The following FAM193A variants were observed in gnomAD, a reference collection of about 807,000 sequenced individuals.
The protein encoded by FAM193A is protein FAM193A.
A neutral mutation model predicts 126.5 loss-of-function variants in FAM193A; 22 were observed. That is an observed-to-expected ratio of 0.17 (90% CI 0.12 to 0.25). FAM193A has a LOEUF of 0.25. FAM193A is among the 10% of genes least tolerant of loss of function. The probability of loss-of-function intolerance (pLI) is 1.00; values close to 1 mark genes in which losing one functional copy is unlikely to be tolerated. For missense variants in FAM193A, 1,675 were observed against 1,672.8 expected, an observed-to-expected ratio of 1.00 and a Z score of -0.02; for synonymous variants, 761 against 646.8, an observed-to-expected ratio of 1.18 and a Z score of -2.68.
intron 12 of FAM193A, among the ~76,000 whole-genome samples, chr4:2,670,085 T>TG (rs1713613426): frequency 6.6e-6 from 1 of 152,176 alleles, no homozygotes; most frequent in Admixed American, 6.5e-5. Context: ...GCTGGAGTGC[T>TG]GGCTGCTCTC....
At chr4:2,631,746 C>T (rs543858676) in intron 5 of FAM193A, among the ~76,000 whole-genome samples, 1 of 152,278 alleles carries the variant, frequency 6.6e-6, no homozygotes, top group Admixed American at 6.5e-5. Flanking sequence ...ACAAAAGAGA[C>T]ACACAGATGG....
intron 2 of FAM193A, among the ~76,000 whole-genome samples, chr4:2,616,846 G>A (rs945122083): frequency 2.7e-5 from 4 of 150,290 alleles, no homozygotes; most frequent in Non-Finnish European, 5.9e-5. Context: ...GGTTACAGGT[G>A]TGAGCCACCA....
chr4:2,554,685 C>T (rs1738153748), intron 1 of FAM193A, among the ~76,000 whole-genome samples: 1 of 152,008 alleles, frequency 6.6e-6, no homozygotes, highest in Non-Finnish European at 1.5e-5. Context: ...GAAGTCTCTG[C>T]CTAAAATTGT....
chr4:2,645,847 A>G (rs1745084694), intron 6 of FAM193A, among the ~76,000 whole-genome samples: 2 of 152,154 alleles, frequency 1.3e-5, no homozygotes, highest in Admixed American at 1.3e-4. Flanking sequence ...TTAATACAAT[A>G]TAATATAGTA....
At chr4:2,552,905 T>C (rs1181781087) in intron 1 of FAM193A, among the ~76,000 whole-genome samples, 2 of 147,242 alleles carry the variant, frequency 1.4e-5, no homozygotes, top group African/African-American at 5.1e-5. Flanking sequence ...TGGAGTGCAG[T>C]GGTGCAGTCT....
At chr4:2,601,326 G>A (rs984803721) in intron 2 of FAM193A, among the ~76,000 whole-genome samples, 12 of 145,186 alleles carry the variant, frequency 8.3e-5, no homozygotes, top group African/African-American at 3.0e-4. Flanking sequence ...TCTGCCTCCC[G>A]GGTTCAAGCG....
intron 20 of FAM193A, among the ~76,000 whole-genome samples, chr4:2,731,219 A>C (rs1296410100): frequency 7.5e-6 from 1 of 132,870 alleles, no homozygotes; most frequent in African/African-American, 2.6e-5. Context: ...AAAAAAAAAA[A>C]AAAAACCGGT....
intron 1 of FAM193A, among the ~76,000 whole-genome samples, chr4:2,580,908 T>A (rs570023910): frequency 5.1e-4 from 77 of 152,276 alleles, no homozygotes; most frequent in South Asian, 1.7e-3. Flanking sequence ...GGCGGGCAGA[T>A]CACAAGGTCA....
At chr4:2,595,995 C>A in intron 1 of FAM193A, 89 bp from the exon 2 acceptor site, 1 of 612,368 alleles carries the variant, frequency 1.6e-6, no homozygotes, top group East Asian at 2.7e-5. Flanking sequence ...CATACACATG[C>A]ATTTTAGTTT....
intron 2 of FAM193A, among the ~76,000 whole-genome samples, chr4:2,602,855 T>A (rs1277531454): frequency 6.7e-6 from 1 of 149,496 alleles, no homozygotes; most frequent in Non-Finnish European, 1.5e-5. Flanking sequence ...AGAGATTGGG[T>A]TTCACCATGT....
chr4:2,687,982 G>A (rs1242115046), intron 13 of FAM193A, among the ~76,000 whole-genome samples: 1 of 152,054 alleles, frequency 6.6e-6, no homozygotes, highest in Non-Finnish European at 1.5e-5. Context: ...CCGAACCATC[G>A]CCCATTCTTA....
intron 15 of FAM193A, among the ~76,000 whole-genome samples, chr4:2,691,888 C>A (rs189592109): frequency 6.6e-6 from 1 of 152,234 alleles, no homozygotes; most frequent in African/African-American, 2.4e-5. Context: ...GAAGCTCCTT[C>A]TTCTAAAAGC....
At chr4:2,566,079 G>T (rs574341041) in intron 1 of FAM193A, among the ~76,000 whole-genome samples, 2 of 149,504 alleles carry the variant, frequency 1.3e-5, no homozygotes, top group Non-Finnish European at 3.0e-5. Flanking sequence ...ACGGAGTCTC[G>T]CTCTGTCGCC....
intron 20 of FAM193A, among the ~76,000 whole-genome samples, chr4:2,729,877 G>T (rs903220759): frequency 6.6e-6 from 1 of 151,698 alleles, no homozygotes; most frequent in South Asian, 2.1e-4. Context: ...CTCCCAAAGT[G>T]CTGGGATTAT....
intron 20 of FAM193A, among the ~76,000 whole-genome samples, chr4:2,722,643 A>T (rs1266345497): frequency 1.3e-5 from 2 of 152,162 alleles, no homozygotes; most frequent in Non-Finnish European, 2.9e-5. Flanking sequence ...GAGATGACAC[A>T]GTCAGCCCTT....
At chr4:2,710,615 C>T (rs1187832438) in intron 19 of FAM193A, among the ~76,000 whole-genome samples, 1 of 151,620 alleles carries the variant, frequency 6.6e-6, no homozygotes, top group East Asian at 2.0e-4. Context: ...TGATCCTCCC[C>T]ACTCACCTTC....
chr4:2,597,997 C>T (rs541785713), intron 2 of FAM193A, among the ~76,000 whole-genome samples: 42 of 152,082 alleles, frequency 2.8e-4, no homozygotes, highest in Non-Finnish European at 5.4e-4. Context: ...CTCCGCCTCC[C>T]GGGTTCAAGC....
chr4:2,695,181 G>T (rs1380845781), intron 17 of FAM193A, 52 bp downstream of exon 17: 1 of 1,459,014 alleles, frequency 6.9e-7, no homozygotes, highest in Non-Finnish European at 9.1e-7. Flanking sequence ...CAACACACGG[G>T]CTCCTTTGCA....
intron 14 of FAM193A, among the ~76,000 whole-genome samples, chr4:2,689,987 C>G (rs920138603): frequency 2.0e-5 from 3 of 152,218 alleles, no homozygotes; most frequent in Non-Finnish European, 4.4e-5. Flanking sequence ...TGCTGAGGGT[C>G]TCGTGACCAC....
Sources: allele counts gnomAD v4.1 joint callset (sites outside exome capture counted in the v4.1 genomes callset), GRCh38; gene constraint gnomAD v4.1.1; transcripts MANE v1.5; gene names NCBI Gene and HGNC (gene_info 2026-07-23, HGNC 2026-07-21).